HECW1: variants seen among roughly 807,000 people sequenced by gnomAD.
The protein encoded by HECW1 is E3 ubiquitin-protein ligase HECW1.
Under a neutral mutation model 182.3 loss-of-function variants are expected in HECW1, and 61 were observed. That is an observed-to-expected ratio of 0.33 (90% CI 0.27 to 0.41). The LOEUF is 0.41. Ranked by LOEUF, HECW1 falls within the 10% of genes least tolerant of loss-of-function variation. The pLI is 1.00. For synonymous variants in HECW1, 859 were observed against 832.6 expected, an observed-to-expected ratio of 1.03 and a Z score of -0.55; for missense variants, 1,739 against 2,108.9, an observed-to-expected ratio of 0.82 and a Z score of 3.44.
intron 17 of HECW1, among the ~76,000 whole-genome samples, chr7:43,483,579 C>T (rs2078517634): frequency 7.6e-6 from 1 of 132,002 alleles, no homozygotes; most frequent in Non-Finnish European, 1.6e-5. Flanking sequence ...GCTAGAGTCT[C>T]GCTCTGTCAC....
chr7:43,401,858 G>A (rs1307289601), intron 7 of HECW1, among the ~76,000 whole-genome samples: 2 of 151,778 alleles, frequency 1.3e-5, no homozygotes, highest in Non-Finnish European at 1.5e-5. Context: ...GGCCCACCAT[G>A]CCCCTCTATC....
intron 3 of HECW1, among the ~76,000 whole-genome samples, chr7:43,280,180 G>C (rs1230426850): frequency 6.6e-6 from 1 of 152,200 alleles, no homozygotes. Flanking sequence ...TCCAAGGAGA[G>C]AGTGCCTCCT....
intron 5 of HECW1, among the ~76,000 whole-genome samples, chr7:43,321,902 G>A (rs1337713260): frequency 2.6e-5 from 4 of 152,190 alleles, no homozygotes; most frequent in Admixed American, 6.5e-5. Flanking sequence ...TGGTATCCCC[G>A]CTCCCGGCAA....
At chr7:43,414,975 T>C (rs1256286638) in intron 8 of HECW1, among the ~76,000 whole-genome samples, 4 of 152,208 alleles carry the variant, frequency 2.6e-5, no homozygotes, top group African/African-American at 9.7e-5. Context: ...CCTCATAAAA[T>C]GAGGCCAATT....
chr7:43,171,690 G>A (rs761255973), intron 2 of HECW1, among the ~76,000 whole-genome samples: 1 of 152,226 alleles, frequency 6.6e-6, no homozygotes, highest in Non-Finnish European at 1.5e-5. Flanking sequence ...AATTGTCTGA[G>A]AATGATAAAC....
At chr7:43,474,944 G>C (rs2078165336) in intron 16 of HECW1, among the ~76,000 whole-genome samples, 1 of 152,170 alleles carries the variant, frequency 6.6e-6, no homozygotes, top group Non-Finnish European at 1.5e-5. Context: ...TATAGAGATA[G>C]AAAGTAGATC....
In HECW1 at chr7:43,550,429, T is replaced by C. The variant is rs2081761378; in HGVS notation, c.4249-16T>C. 5 of 1,613,808 alleles carry C rather than the reference T, an allele frequency of 3.1e-6. No individual in the cohort carries two copies. In the African/African-American group the frequency reaches 5.3e-5, roughly 17 times the overall value. On this transcript the variant is annotated splice_polypyrimidine_tract_variant and intron_variant, in intron 26 of 29. Coordinates refer to ENST00000395891, the MANE Select transcript of HECW1 (RefSeq NM_015052.5). ...CAGAACTGACAAGCATCGCAATATTTCTGTTTTCCTACAAGGTCACGGAAA... is the reference window on the plus strand; with the variant it reads ...CAGAACTGACAAGCATCGCAATATTCCTGTTTTCCTACAAGGTCACGGAAA...
chr7:43,339,946 C>G (rs1354577786), intron 5 of HECW1, among the ~76,000 whole-genome samples: 1 of 151,724 alleles, frequency 6.6e-6, no homozygotes, highest in Non-Finnish European at 1.5e-5. Flanking sequence ...CTCAAAGCTT[C>G]AGTATTTGTG....
chr7:43,556,666 C>T (rs2082035060), intron 29 of HECW1, among the ~76,000 whole-genome samples: 1 of 147,646 alleles, frequency 6.8e-6, no homozygotes, highest in Non-Finnish European at 1.5e-5. Flanking sequence ...CCAGGCTGGG[C>T]AACAGAGTGA....
At chr7:43,486,235 T>C (rs1309460319) in intron 17 of HECW1, among the ~76,000 whole-genome samples, 1 of 152,186 alleles carries the variant, frequency 6.6e-6, no homozygotes, top group Non-Finnish European at 1.5e-5. Flanking sequence ...CCATGGTGTA[T>C]ATGTGCCACA....
intron 16 of HECW1, among the ~76,000 whole-genome samples, chr7:43,477,966 A>G (rs2078280672): frequency 6.6e-6 from 1 of 152,206 alleles, no homozygotes; most frequent in Non-Finnish European, 1.5e-5. Context: ...TTGGTTGAAA[A>G]GAGAGTAATT....
intron 10 of HECW1, among the ~76,000 whole-genome samples, chr7:43,443,230 T>C (rs566300951): frequency 1.3e-5 from 2 of 152,310 alleles, no homozygotes; most frequent in Admixed American, 6.5e-5. Context: ...TCAATATAGA[T>C]CATACTGAGA....
chr7:43,181,759 T>A (rs1322293625), intron 2 of HECW1, among the ~76,000 whole-genome samples: 1 of 150,846 alleles, frequency 6.6e-6, no homozygotes, highest in Non-Finnish European at 1.5e-5. Context: ...TATAGTTTCC[T>A]AATATTTTCT....
chr7:43,145,105 A>G lies in HECW1; in HGVS notation c.-32+30714A>G, dbSNP rs972092399. Reference sequence around the variant, plus strand: ...TACAACTTTATTCCCAAAATAAATTACTAACTCTCTCAACAGAAATCATTT... The same window carrying G: ...TACAACTTTATTCCCAAAATAAATTGCTAACTCTCTCAACAGAAATCATTT... On this transcript the variant is annotated intron_variant, in intron 2 of 29. Transcript: ENST00000395891. 3.9e-5 allele frequency among the ~76,000 whole-genome samples: 6 copies of G among 152,332 alleles called. No homozygotes were observed. In the East Asian group the frequency reaches 9.6e-4, roughly 24 times the overall value.
At chr7:43,355,483 C>T (rs568074649) in intron 5 of HECW1, among the ~76,000 whole-genome samples, 26 of 151,806 alleles carry the variant, frequency 1.7e-4, no homozygotes, top group Non-Finnish European at 2.9e-4. Context: ...TAAATTTGTT[C>T]TTTGTTTCTA....
At chr7:43,532,886 C>T (rs1185895328) in intron 24 of HECW1, among the ~76,000 whole-genome samples, 1 of 152,226 alleles carries the variant, frequency 6.6e-6, no homozygotes, top group East Asian at 1.9e-4. Context: ...CAGAGTGGAG[C>T]ACAAAGCCTT....
chr7:43,391,021 T>C (rs549052940), intron 6 of HECW1, among the ~76,000 whole-genome samples: 14 of 152,132 alleles, frequency 9.2e-5, no homozygotes, highest in Non-Finnish European at 1.9e-4. Context: ...AACAAGTTTA[T>C]TGGGGTCTAA....
chr7:43,147,866 A>G (rs1562597705), intron 2 of HECW1, among the ~76,000 whole-genome samples: 1 of 152,216 alleles, frequency 6.6e-6, no homozygotes, highest in Non-Finnish European at 1.5e-5. Flanking sequence ...AGCACTTAGC[A>G]TTGTTTTACT....
intron 2 of HECW1, among the ~76,000 whole-genome samples, chr7:43,123,293 G>A (rs1785831952): frequency 6.6e-6 from 1 of 152,120 alleles, no homozygotes; most frequent in Non-Finnish European, 1.5e-5. Context: ...ACAGAACATT[G>A]CCCTTGTCAG....
Sources: allele counts gnomAD v4.1 joint callset (sites outside exome capture counted in the v4.1 genomes callset), GRCh38; gene constraint gnomAD v4.1.1; transcripts MANE v1.5; gene names NCBI Gene and HGNC (gene_info 2026-07-23, HGNC 2026-07-21).